The following OPCML variants were observed in gnomAD, a reference collection of about 807,000 sequenced individuals.
OPCML encodes the protein opioid binding protein/cell adhesion molecule like.
Under a neutral mutation model 37.8 loss-of-function variants are expected in OPCML, and 13 were observed. The observed-to-expected ratio is 0.34, with a 90% confidence interval of 0.22 to 0.55. The LOEUF is 0.55. Among genes scored for constraint, OPCML ranks in the 20% least tolerant of loss-of-function variants. The pLI, the probability that OPCML is intolerant of heterozygous loss-of-function variation, is 0.91. For missense variants in OPCML, 341 were observed against 435.6 expected (o/e 0.78, Z 1.93); for synonymous variants, 176 against 168.8 (o/e 1.04, Z -0.33).
In OPCML at chr11:133,487,803, G is replaced by GCA. The variant is rs1565662293; in HGVS notation, c.61+44460_61+44461insTG. 3.8e-4 allele frequency among the ~76,000 whole-genome samples: 58 copies of GCA among 150,668 alleles called. 1 individual carries two copies. The highest frequency in any genetic ancestry group is 2.5e-3 in the South Asian group (12 of 4,774). On this transcript the variant is annotated intron_variant, in intron 1 of 7. Transcript: ENST00000524381. ...TGTGTGTGTGTGTGTGTGTGTGTGT[G>GCA]CGTGTGTGTAAATTTAAAGTAATCC... is the stretch of plus-strand genomic sequence containing the variant.
At chr11:133,476,242 A>C (rs1947236005) in intron 1 of OPCML, among the ~76,000 whole-genome samples, 1 of 152,214 alleles carries the variant, frequency 6.6e-6, no homozygotes, top group African/African-American at 2.4e-5. Context: ...GTAGACAAAC[A>C]GTACAACATC....
chr11:132,568,725 G>A (rs185018813), intron 3 of OPCML, among the ~76,000 whole-genome samples: 1 of 152,312 alleles, frequency 6.6e-6, no homozygotes, highest in Non-Finnish European at 1.5e-5. Context: ...CTTGACAACT[G>A]TGAGAGAATA....
At chr11:132,622,849 C>A (rs1036786607) in intron 3 of OPCML, among the ~76,000 whole-genome samples, 23 of 152,158 alleles carry the variant, frequency 1.5e-4, no homozygotes, top group African/African-American at 4.6e-4. Flanking sequence ...CATCTCCATG[C>A]AGTGGACAGG....
At chr11:133,138,823 C>G (rs1259748238) in intron 1 of OPCML, among the ~76,000 whole-genome samples, 1 of 152,122 alleles carries the variant, frequency 6.6e-6, no homozygotes, top group African/African-American at 2.4e-5. Flanking sequence ...CATAGAGATG[C>G]CTACATAATG....
chr11:133,248,233 A>G (rs1941014733), intron 1 of OPCML, among the ~76,000 whole-genome samples: 1 of 152,144 alleles, frequency 6.6e-6, no homozygotes, highest in Admixed American at 6.5e-5. Flanking sequence ...CCTTTTTTCA[A>G]AGAAAATGGC....
chr11:133,246,823 G>A (rs1443010042), intron 1 of OPCML, among the ~76,000 whole-genome samples: 1 of 152,216 alleles, frequency 6.6e-6, no homozygotes, highest in East Asian at 1.9e-4. Context: ...TGTAATGATA[G>A]TACCAGTGGG....
chr11:132,781,623 A>G (rs956513014), intron 2 of OPCML, among the ~76,000 whole-genome samples: 2 of 140,564 alleles, frequency 1.4e-5, no homozygotes, highest in South Asian at 2.2e-4. Context: ...CACACACCCT[A>G]TTTTTTTTTT....
intron 1 of OPCML, among the ~76,000 whole-genome samples, chr11:133,276,752 A>G (rs1207102491): frequency 6.6e-6 from 1 of 152,068 alleles, no homozygotes; most frequent in African/African-American, 2.4e-5. Context: ...CATGATGCCA[A>G]TTCTATTAGA....
At chr11:132,824,295 G>A (rs1940166998) in intron 2 of OPCML, among the ~76,000 whole-genome samples, 4 of 151,932 alleles carry the variant, frequency 2.6e-5, no homozygotes, top group Admixed American at 6.6e-5. Context: ...TTGATATTTC[G>A]CTCTTTCCTT....
chr11:132,956,525 T>C (rs1945981392), intron 1 of OPCML, among the ~76,000 whole-genome samples: 1 of 152,172 alleles, frequency 6.6e-6, no homozygotes, highest in Non-Finnish European at 1.5e-5. Context: ...TATTGTAGGT[T>C]TTGACCAAAA....
chr11:133,490,545 GAAAAGGCA>G (rs780072504), intron 1 of OPCML, among the ~76,000 whole-genome samples: 5 of 152,146 alleles, frequency 3.3e-5, no homozygotes, highest in Admixed American at 6.5e-5. Context: ...AGAATCCCAA[GAAAAGGCA>G]AATATGCTTC....
intron 1 of OPCML, among the ~76,000 whole-genome samples, chr11:133,522,102 C>T (rs1948408398): frequency 6.6e-6 from 1 of 152,150 alleles, no homozygotes; most frequent in South Asian, 2.1e-4. Flanking sequence ...GTGCATTTGG[C>T]TCTTTCCCTT....
intron 1 of OPCML, among the ~76,000 whole-genome samples, chr11:132,989,854 A>T (rs997700041): frequency 6.6e-6 from 1 of 152,178 alleles, no homozygotes; most frequent in Admixed American, 6.5e-5. Flanking sequence ...GTTTTCAAAG[A>T]AAATAAAGCC....
intron 3 of OPCML, among the ~76,000 whole-genome samples, chr11:132,595,587 C>T (rs1189272192): frequency 1.3e-5 from 2 of 152,164 alleles, no homozygotes; most frequent in Non-Finnish European, 2.9e-5. Context: ...GTAAAGGCAT[C>T]TGGGGGAGAT....
At chr11:132,831,712 A>C (rs1940702611) in intron 2 of OPCML, among the ~76,000 whole-genome samples, 1 of 129,720 alleles carries the variant, frequency 7.7e-6, no homozygotes, top group African/African-American at 2.9e-5. Context: ...CCCCAACACA[A>C]CTCTTCCCCC....
chr11:133,008,090 A>C, intron 1 of OPCML: 2 of 985,464 alleles, frequency 2.0e-6, no homozygotes, highest in South Asian at 4.7e-5. Context: ...GGATTCTCCA[A>C]GGTTTTCACC....
intron 3 of OPCML, among the ~76,000 whole-genome samples, chr11:132,539,155 C>T (rs2096348970): frequency 6.6e-6 from 1 of 152,174 alleles, no homozygotes; most frequent in African/African-American, 2.4e-5. Flanking sequence ...TAGAGGAGAA[C>T]ACTGACGCTG....
intron 1 of OPCML, among the ~76,000 whole-genome samples, chr11:133,380,760 A>T (rs1212681681): frequency 1.3e-5 from 2 of 152,176 alleles, no homozygotes; most frequent in South Asian, 4.1e-4. Flanking sequence ...TTCATCATTC[A>T]TATATTTAGT....
intron 2 of OPCML, among the ~76,000 whole-genome samples, chr11:132,734,801 A>G (rs1167561654): frequency 6.6e-6 from 1 of 152,220 alleles, no homozygotes; most frequent in Non-Finnish European, 1.5e-5. Flanking sequence ...CAGGATATTG[A>G]TGAATGTTAC....
Sources: allele counts gnomAD v4.1 joint callset (sites outside exome capture counted in the v4.1 genomes callset), GRCh38; gene constraint gnomAD v4.1.1; transcripts MANE v1.5; gene names NCBI Gene and HGNC (gene_info 2026-07-23, HGNC 2026-07-21).